CSPP1: variants seen among roughly 807,000 people sequenced by gnomAD.
The protein encoded by CSPP1 is centrosome and spindle pole-associated protein 1.
Under a neutral mutation model 164.4 loss-of-function variants are expected in CSPP1, and 126 were observed. The ratio of observed to expected loss-of-function variants is 0.77; its 90% CI spans 0.66 to 0.89. The LOEUF (loss-of-function observed/expected upper bound fraction) is 0.89. Ranked by LOEUF, CSPP1 falls within the 40% of genes least tolerant of loss-of-function variation. The pLI is 0.00. For synonymous variants in CSPP1, 472 were observed against 476.7 expected, an observed-to-expected ratio of 0.99 and a Z score of 0.13; for missense variants, 1,395 against 1,449.8, an observed-to-expected ratio of 0.96 and a Z score of 0.61.
At chr8:67,165,403 A>G (rs908172894) in intron 24 of CSPP1, among the ~76,000 whole-genome samples, 1 of 152,208 alleles carries the variant, frequency 6.6e-6, no homozygotes, top group Non-Finnish European at 1.5e-5. Flanking sequence ...TGACATTAGA[A>G]CATTACTATG....
chr8:67,103,462 A>T (rs1814589066), intron 8 of CSPP1, among the ~76,000 whole-genome samples: 1 of 152,110 alleles, frequency 6.6e-6, no homozygotes, highest in Non-Finnish European at 1.5e-5. Context: ...TCAACTTAAA[A>T]TATCTTAGAG....
At chr8:67,170,328 G>C (rs867290840) in intron 24 of CSPP1, among the ~76,000 whole-genome samples, 12 of 151,722 alleles carry the variant, frequency 7.9e-5, no homozygotes, top group East Asian at 1.9e-4. Flanking sequence ...GTGGTGGTGC[G>C]TGCCTGTAGT....
At chr8:67,086,882 TTC>T (rs766244785) in intron 4 of CSPP1, 5 of 1,274,514 alleles carry the variant, frequency 3.9e-6, no homozygotes, top group Non-Finnish European at 5.2e-6. Flanking sequence ...CTTCAGTTTT[TTC>T]TTTCTTTTTT....
intron 27 of CSPP1, among the ~76,000 whole-genome samples, chr8:67,178,413 C>G (rs904889777): frequency 1.3e-5 from 2 of 152,170 alleles, no homozygotes; most frequent in East Asian, 1.9e-4. Context: ...GGACAAGAAA[C>G]TGTTCTAGGT....
intron 3 of CSPP1, among the ~76,000 whole-genome samples, chr8:67,081,418 G>A (rs1043919131): frequency 2.0e-5 from 3 of 151,762 alleles, no homozygotes; most frequent in African/African-American, 7.3e-5. Context: ...GGATGTACAT[G>A]ATTTAGTTCA....
At chr8:67,153,845 TTCTC>T (rs1202962998) in intron 18 of CSPP1, among the ~76,000 whole-genome samples, 175 bp from the exon 19 acceptor site, 1 of 152,062 alleles carries the variant, frequency 6.6e-6, no homozygotes, top group Non-Finnish European at 1.5e-5. Flanking sequence ...CCATTTTTCT[TTCTC>T]TTACTACTGT....
chr8:67,192,737 AGTT>A (rs1276589308), intron 29 of CSPP1, among the ~76,000 whole-genome samples: 22 of 152,186 alleles, frequency 1.4e-4, no homozygotes, highest in African/African-American at 4.3e-4. Context: ...GTGGCCATCC[AGTT>A]GTTCTAGCAG....
intron 7 of CSPP1, among the ~76,000 whole-genome samples, chr8:67,101,456 A>G (rs1033888493): frequency 2.0e-5 from 3 of 152,204 alleles, no homozygotes; most frequent in African/African-American, 4.8e-5. Context: ...ATAAATATCC[A>G]GTATAATTAA....
At chr8:67,175,894 G>A (rs1304569032) in intron 26 of CSPP1, among the ~76,000 whole-genome samples, 3 of 152,180 alleles carry the variant, frequency 2.0e-5, no homozygotes, top group Non-Finnish European at 2.9e-5. Flanking sequence ...ATATGTTTTC[G>A]TATAATCAAC....
rs1376548470 is a variant in CSPP1 at position 67,175,216 on chromosome 8, T to C, written c.2969-80T>C. 2.1e-5 allele frequency: 21 copies of C among 1,007,848 alleles called. No homozygotes were observed. The East Asian group carries it at 5.0e-4, about 24-fold the overall frequency. The allele number at this position is 1,007,848 out of a possible 1,614,324, so 62.4% of individuals were successfully genotyped here. A position where few individuals can be genotyped will look rare whatever the true frequency, so the allele number is the denominator to read the frequency against. On this transcript the variant is annotated intron_variant, in intron 25 of 30. Transcript: ENST00000678616. The stretch of plus-strand genomic sequence containing the variant: ...CTTGATTTTGAAATTAGGTTACTCA[T>C]GTTACTTACAGTGAAGTTTTACAAA...
chr8:67,074,238 T>A lies in CSPP1; in HGVS notation c.-10-5T>A, dbSNP rs770289522. ...AGATACGCTCACTGAAATTTTTTTT[T>A]AAAGAATCTGCAAAATGGCTGATAA... On this transcript the variant is annotated splice_region_variant and splice_polypyrimidine_tract_variant and intron_variant, in intron 1 of 30. Coordinates refer to ENST00000678616, the MANE Select transcript of CSPP1 (RefSeq NM_001382391.1). 2.5e-6 allele frequency: 4 copies of A among 1,588,134 alleles called. No individual in the cohort carries two copies. In the South Asian group the frequency reaches 3.4e-5, roughly 13 times the overall value.
intron 28 of CSPP1, among the ~76,000 whole-genome samples, chr8:67,184,736 T>TTAAAAAAA (rs1316027774): frequency 1.6e-5 from 2 of 128,480 alleles, no homozygotes; most frequent in African/African-American, 6.9e-5. Flanking sequence ...AAAATAATAA[T>TTAAAAAAA]AAAAAAATAT....
chr8:67,179,988 A>G, intron 28 of CSPP1, 62 bp downstream of exon 28: 1 of 915,888 alleles, frequency 1.1e-6, no homozygotes, highest in Non-Finnish European at 1.8e-6. Flanking sequence ...TCCACACTTA[A>G]AAACCAGTAC....
rs1274200991 is a variant in CSPP1, at chr8:67,159,910, T to C, written c.2538+773T>C. Among the ~76,000 whole-genome samples the C allele has an allele frequency of 5.3e-3, 356 of 67,538 alleles. 21 individuals are homozygous for C. The highest frequency in any genetic ancestry group is 7.8e-3 in the Middle Eastern group (1 of 128). The allele number at this position is 67,538 out of a possible 152,430, so 44.3% of individuals were successfully genotyped here. A position where few individuals can be genotyped will look rare whatever the true frequency, so the allele number is the denominator to read the frequency against. ...TTTCTTTCTTTCTTTCTTTCTTTCTTTCTTTCTTTCTTTCCTTTCCTTCCT... is the reference window on the plus strand; with the variant it reads ...TTTCTTTCTTTCTTTCTTTCTTTCTCTCTTTCTTTCTTTCCTTTCCTTCCT... On this transcript the variant is annotated intron_variant, in intron 21 of 30. Transcript: ENST00000678616.
rs1012663082 is a variant in CSPP1, at chr8:67,076,544, C to T, written c.162C>T (p.Asn54=). ...SKILISMAKE[N]IPPNSQQTRG... ...TACTGATCTCTATGGCTAAGGAAAA[C>T]ATACCACCAAATAGTCAACAGACCA... The change falls in exon 3 of 31, where the codon AAC becomes AAT. Residue 54 remains asparagine (N), a synonymous_variant. Transcript: ENST00000678616. 6.2e-7 allele frequency: 1 copy of T among 1,601,772 alleles called. No homozygotes were observed. Among genetic ancestry groups the T allele is most frequent in the Non-Finnish European group, 8.5e-7 (1 of 1,174,516 alleles).
intron 22 of CSPP1, among the ~76,000 whole-genome samples, chr8:67,162,995 A>C (rs1828671043): frequency 6.6e-6 from 1 of 152,212 alleles, no homozygotes; most frequent in South Asian, 2.1e-4. Context: ...GAGTGTCTAC[A>C]AGAGAAGTAA....
chr8:67,118,413 A>G (rs1437558509), intron 14 of CSPP1, 44 bp downstream of exon 14: 4 of 1,602,954 alleles, frequency 2.5e-6, no homozygotes. Context: ...GCTTGGCTCA[A>G]TAAGGAAAAT....
chr8:67,094,243 A>T (rs545383284), intron 6 of CSPP1, among the ~76,000 whole-genome samples: 1 of 143,774 alleles, frequency 7.0e-6, no homozygotes, highest in South Asian at 2.3e-4. Context: ...ATCTCCTGGG[A>T]TAGGAATTTG....
intron 15 of CSPP1, 40 bp from the exon 16 acceptor site, chr8:67,131,911 C>T (rs1821307342): frequency 7.9e-6 from 12 of 1,525,950 alleles, no homozygotes; most frequent in East Asian, 4.7e-5. Flanking sequence ...CTTGCTTTGT[C>T]GTCAATGGAT....
Sources: gnomAD v4.1 joint callset for allele counts (sites outside exome capture counted in the v4.1 genomes callset) on GRCh38, gnomAD v4.1.1 for gene constraint, MANE v1.5 for transcripts, NCBI Gene and HGNC (gene_info 2026-07-23, HGNC 2026-07-21) for gene names.